EVC: variants seen among roughly 807,000 people sequenced by gnomAD.
EVC encodes evC complex member EVC.
EVC carries 116 observed loss-of-function variants against 118.9 expected under a neutral mutation model. That is an observed-to-expected ratio of 0.98 (90% CI 0.84 to 1.14). EVC has a LOEUF of 1.14. Among genes scored for constraint, EVC ranks in the 50% most tolerant of loss-of-function variants. The pLI is 0.00. For synonymous variants in EVC, 619 were observed against 534.7 expected (o/e 1.16, Z -2.18); for missense variants, 1,401 against 1,246.4 (o/e 1.12, Z -1.87).
chr4:5,747,736 A>C (rs1729584676), intron 7 of EVC, among the ~76,000 whole-genome samples: 1 of 152,240 alleles, frequency 6.6e-6, no homozygotes, highest in Admixed American at 6.5e-5. Context: ...ACAATAACTA[A>C]TATTTAAACA....
chr4:5,743,965 AG>A lies in EVC; in HGVS notation c.802-1238del, dbSNP rs5855893. On this transcript the variant is annotated intron_variant, in intron 6 of 20. Coordinates refer to ENST00000264956, the MANE Select transcript of EVC (RefSeq NM_153717.3). This position sits in a 1 kb window ranked among gnomAD's most constrained non-coding sequence, Gnocchi z 4.7. Reference sequence around the variant, plus strand: ...TGTCTGTTATAATAGAAAGAATAAGAGCCTTGGAGTCTGCAGACCTCAGATC... The same window carrying A: ...TGTCTGTTATAATAGAAAGAATAAGACCTTGGAGTCTGCAGACCTCAGATC... Among the ~76,000 whole-genome samples, 40,797 of 152,084 alleles carry A rather than the reference AG, an allele frequency of 0.27. 6,229 individuals are homozygous for A. The highest frequency in any genetic ancestry group is 0.37 in the Middle Eastern group (108 of 294).
At position 5,810,375 on chromosome 4, in the gene EVC, C is replaced by A; in HGVS notation, c.2819C>A (p.Pro940His). 4 of 1,613,892 alleles carry A rather than the reference C, an allele frequency of 2.5e-6. No individual in the cohort carries two copies. The highest frequency in any genetic ancestry group is 3.4e-6 in the Non-Finnish European group (4 of 1,179,970). Residue 940 changes from proline (P) to histidine (H), a missense_variant, in exon 20 of 21, where the codon CCC becomes CAC. Coordinates refer to ENST00000264956, the MANE Select transcript of EVC (RefSeq NM_153717.3). ...AGGACTAAAAGGAAGAAGCCCCTGC[C>A]CCAGGAAAGAGGGGACCTGGGGGTG... is the stretch of plus-strand genomic sequence containing the variant. Reference protein sequence around the residue: ...PLRTKRKKPLPQERGDLGVPN... With the variant: ...PLRTKRKKPLHQERGDLGVPN...
intron 5 of EVC, among the ~76,000 whole-genome samples, chr4:5,734,180 T>TA (rs1356620211): frequency 1.3e-5 from 2 of 151,870 alleles, no homozygotes; most frequent in East Asian, 3.9e-4. Flanking sequence ...TGACGGGGGT[T>TA]AAAAAAAAGT....
chr4:5,787,212 C>T (rs992797511), intron 12 of EVC, among the ~76,000 whole-genome samples: 24 of 152,244 alleles, frequency 1.6e-4, no homozygotes, highest in African/African-American at 5.8e-4. Context: ...TTTCTGCTCT[C>T]AGTCCCCTTG....
intron 11 of EVC, among the ~76,000 whole-genome samples, chr4:5,761,983 T>C (rs1308044773): frequency 6.6e-6 from 1 of 151,154 alleles, no homozygotes; most frequent in African/African-American, 2.4e-5. Context: ...ACCTGTGCCA[T>C]GCTGGTGCGC....
chr4:5,828,919 A>G, the EVC span, among the ~76,000 whole-genome samples: 12,547 of 150,794 alleles, frequency 0.083, 746 homozygotes, highest in African/African-American at 0.17. Flanking sequence ...GGGGCATCAC[A>G]AAGAGGAAGG....
downstream of EVC, among the ~76,000 whole-genome samples, chr4:5,818,484 A>G (rs1021992084): frequency 6.6e-6 from 1 of 152,136 alleles, no homozygotes. Context: ...TTAATACCCA[A>G]TGTGGCAGTA....
Position 5,762,354 on chromosome 4 carries a change from A to G in EVC, c.1563+5992A>G, listed in dbSNP as rs1223260696. 2.7e-4 allele frequency among the ~76,000 whole-genome samples: 38 copies of G among 139,192 alleles called. No individual in the cohort carries two copies. The South Asian group carries it at 2.9e-3, about 11-fold the overall frequency. The allele number at this position is 139,192 out of a possible 152,430, so 91.3% of individuals were successfully genotyped here. ...CTTTGCTATTGTGAATAGTGCCGCA[A>G]TAAACATACGTGTGCATGTGTCTTT... On this transcript the variant is annotated intron_variant, in intron 11 of 20. Transcript: ENST00000264956.
chr4:5,727,838 C>T (rs1431058366), intron 2 of EVC, among the ~76,000 whole-genome samples: 60 of 143,394 alleles, frequency 4.2e-4, no homozygotes, highest in Admixed American at 6.3e-4. Context: ...GAATCCTTTC[C>T]GCATTGCTTG....
In EVC at chr4:5,812,878, GC is replaced by G. The variant is rs1277327051; in HGVS notation, c.*1843del. On this transcript the variant is annotated 3_prime_UTR_variant, in exon 21 of 21. Transcript: ENST00000264956. ...CACCCACTGTGCTGAGTCAAAGGGTGCCTTGCCCTGGTCTAATCCAGGACAT... is the reference window on the plus strand; with the variant it reads ...CACCCACTGTGCTGAGTCAAAGGGTGCTTGCCCTGGTCTAATCCAGGACAT... 1 of 124,924 alleles carries G rather than the reference GC, an allele frequency of 8.0e-6. No homozygotes were observed. The highest frequency in any genetic ancestry group is 2.7e-5 in the African/African-American group (1 of 36,442). The allele number at this position is 124,924 out of a possible 1,614,324, so 7.7% of individuals were successfully genotyped here.
In EVC at chr4:5,755,889, C is replaced by G. The variant is rs960029440; in HGVS notation, c.1465-375C>G. Among the ~76,000 whole-genome samples, 13 of 152,142 alleles carry G rather than the reference C, an allele frequency of 8.5e-5. No individual in the cohort carries two copies. The highest frequency in any genetic ancestry group is 2.9e-4 in the African/African-American group (12 of 41,426). ...GGCTGGTTGCTGACTGCACTGACCT[C>G]CAATCGCCAGTCTGTGTCACCCCTG... is the stretch of plus-strand genomic sequence containing the variant. On this transcript the variant is annotated intron_variant, in intron 10 of 20. Coordinates refer to ENST00000264956, the MANE Select transcript of EVC (RefSeq NM_153717.3). This position sits in a 1 kb window ranked among gnomAD's most constrained non-coding sequence, Gnocchi z 4.1.
intron 1 of EVC, among the ~76,000 whole-genome samples, chr4:5,712,383 C>T (rs1723186731): frequency 6.6e-6 from 1 of 152,148 alleles, no homozygotes; most frequent in Non-Finnish European, 1.5e-5. Flanking sequence ...GGATGAGGGT[C>T]GGGGTGGCTG....
intron 11 of EVC, among the ~76,000 whole-genome samples, chr4:5,770,496 A>G (rs181149250): frequency 6.6e-6 from 1 of 152,138 alleles, no homozygotes; most frequent in African/African-American, 2.4e-5. Context: ...TGTCTGTTCA[A>G]GGTCACTCAG....
At chr4:5,804,865 C>A (rs752023515) in intron 17 of EVC, 24 bp downstream of exon 17, 4 of 1,583,806 alleles carry the variant, frequency 2.5e-6, no homozygotes, top group Non-Finnish European at 3.5e-6. Flanking sequence ...TGAGGTCCCA[C>A]GTAGGGCTGT....
At chr4:5,796,899 C>T (rs1457492964) in intron 13 of EVC, 123 bp from the exon 14 acceptor site, 14 of 776,586 alleles carry the variant, frequency 1.8e-5, no homozygotes, top group African/African-American at 5.1e-5. Context: ...CAGCAGAGGG[C>T]GGTGATTCCA....
chr4:5,812,623 GA>G lies in EVC; in HGVS notation c.*1587del, dbSNP rs1204356616. ...GACCAGCCCCTCTCACCACAGCCAG[GA>G]GAGGCCGTTCCCACCTGGAGGGAAA... On this transcript the variant is annotated 3_prime_UTR_variant, in exon 21 of 21. Transcript: ENST00000264956. 2 of 177,252 alleles carry G rather than the reference GA, an allele frequency of 1.1e-5. No homozygotes were observed. Among genetic ancestry groups the G allele is most frequent in the Non-Finnish European group, 2.3e-5 (2 of 85,518 alleles). The allele number at this position is 177,252 out of a possible 1,614,324, so 11.0% of individuals were successfully genotyped here. A position where few individuals can be genotyped will look rare whatever the true frequency, so the allele number is the denominator to read the frequency against.
rs1731041119 is a variant in EVC at position 5,755,566 on chromosome 4, T to C, written c.1465-698T>C. The stretch of plus-strand genomic sequence containing the variant: ...TAGCATCACCAAAGATCTTAGGGGG[T>C]TTACCTCCTGGTCTCTGCTGCTGCT... On this transcript the variant is annotated intron_variant, in intron 10 of 20. Transcript: ENST00000264956. The surrounding 1 kb of genome is among the most constrained non-coding windows in gnomAD (Gnocchi z 4.1). 6.6e-6 allele frequency among the ~76,000 whole-genome samples: 1 copy of C among 151,968 alleles called. No individual in the cohort carries two copies. The highest frequency in any genetic ancestry group is 2.1e-4 in the South Asian group (1 of 4,800).
intron 13 of EVC, among the ~76,000 whole-genome samples, chr4:5,795,306 A>G (rs141123990): frequency 4.6e-4 from 70 of 152,322 alleles, no homozygotes; most frequent in African/African-American, 1.6e-3. Context: ...TGTGCATACC[A>G]TCAAGAAGCA....
chr4:5,768,009 G>A (rs376775819), intron 11 of EVC, among the ~76,000 whole-genome samples: 77 of 152,060 alleles, frequency 5.1e-4, no homozygotes, highest in African/African-American at 1.6e-3. Flanking sequence ...TCATTCATTC[G>A]TTCATTCATT....
Sources: gnomAD v4.1 joint callset for allele counts (sites outside exome capture counted in the v4.1 genomes callset) on GRCh38, gnomAD v4.1.1 for gene constraint, Gnocchi (gnomAD v3.1) non-coding constraint, MANE v1.5 for transcripts, NCBI Gene and HGNC (gene_info 2026-07-23, HGNC 2026-07-21) for gene names.